Variants in KIF16B observed in about 807,000 individuals in gnomAD.
The protein encoded by KIF16B is kinesin-like protein KIF16B.
KIF16B carries 98 observed loss-of-function variants against 156.3 expected under a neutral mutation model. The observed-to-expected ratio is 0.63, with a 90% CI of 0.53 to 0.74. The LOEUF is 0.74. KIF16B is among the 30% of genes least tolerant of loss of function. KIF16B has a pLI of 0.00. For synonymous variants in KIF16B, 564 were observed against 583.7 expected, an observed-to-expected ratio of 0.97 and a Z score of 0.49; for missense variants, 1,421 against 1,606.5, an observed-to-expected ratio of 0.88 and a Z score of 1.97.
intron 25 of KIF16B, among the ~76,000 whole-genome samples, chr20:16,278,122 G>A (rs537560823): frequency 3.3e-4 from 51 of 152,266 alleles, no homozygotes; most frequent in Non-Finnish European, 5.9e-4. Context: ...AGCCAAAGGG[G>A]GCCTAGGAGA....
intron 15 of KIF16B, among the ~76,000 whole-genome samples, chr20:16,413,022 C>T (rs1600330728): frequency 6.6e-6 from 1 of 151,888 alleles, no homozygotes; most frequent in East Asian, 1.9e-4. Context: ...ATTCAGTTTC[C>T]TCATCTAGTT....
chr20:16,480,584 A>G (rs1019758688), intron 12 of KIF16B, among the ~76,000 whole-genome samples: 1 of 152,236 alleles, frequency 6.6e-6, no homozygotes. Context: ...AAAAAGGACA[A>G]GGCTTTTGTG....
intron 25 of KIF16B, among the ~76,000 whole-genome samples, chr20:16,300,886 A>G (rs559271284): frequency 6.6e-6 from 1 of 152,270 alleles, no homozygotes; most frequent in African/African-American, 2.4e-5. Context: ...CTCTTGTTGT[A>G]CTTTCTATGG....
intron 15 of KIF16B, among the ~76,000 whole-genome samples, chr20:16,410,214 C>CATAT (rs1453431868): frequency 2.2e-4 from 27 of 120,222 alleles, no homozygotes; most frequent in African/African-American, 8.4e-4. Context: ...GGTACATATA[C>CATAT]ATGTAGGTAC....
chr20:16,310,222 T>C (rs751862083), intron 25 of KIF16B, among the ~76,000 whole-genome samples: 2 of 152,144 alleles, frequency 1.3e-5, no homozygotes, highest in Non-Finnish European at 2.9e-5. Flanking sequence ...TAAATAACAG[T>C]CACAGCCAAG....
Position 16,423,785 on chromosome 20 carries a change from C to T in KIF16B, c.1612+3319G>A, listed in dbSNP as rs148606799. On this transcript the variant is annotated intron_variant, in intron 15 of 25. Transcript: ENST00000354981. ...AGCAGCAGGACCTCTATCTGAGGTT[C>T]CCACAGAGAACAGACAGTTGATGTG... Among the ~76,000 whole-genome samples, 29 of 152,160 alleles carry T rather than the reference C, an allele frequency of 1.9e-4. No homozygotes were observed. The East Asian group carries it at 5.2e-3, about 27-fold the overall frequency.
At chr20:16,333,102 G>T (rs186051988) in intron 24 of KIF16B, among the ~76,000 whole-genome samples, 15 of 152,182 alleles carry the variant, frequency 9.9e-5, no homozygotes, top group African/African-American at 3.6e-4. Flanking sequence ...CTACCTCTTT[G>T]CCCACATTCC....
intron 12 of KIF16B, among the ~76,000 whole-genome samples, chr20:16,460,762 A>G (rs1376408422): frequency 6.6e-6 from 1 of 152,172 alleles, no homozygotes; most frequent in African/African-American, 2.4e-5. Context: ...ATGTTTATTA[A>G]TACAAATATA....
At chr20:16,409,865 T>C (rs2065875577) in intron 15 of KIF16B, among the ~76,000 whole-genome samples, 1 of 148,654 alleles carries the variant, frequency 6.7e-6, no homozygotes, top group South Asian at 2.1e-4. Flanking sequence ...GAATTAGAGA[T>C]GCATTTGGCA....
intron 24 of KIF16B, among the ~76,000 whole-genome samples, chr20:16,329,218 TAA>T (rs1228976459): frequency 3.9e-5 from 6 of 152,272 alleles, no homozygotes; most frequent in Admixed American, 1.3e-4. Context: ...GATGTGGTTT[TAA>T]AAGTTTTTTT....
chr20:16,507,919 C>T, intron 7 of KIF16B, 39 bp downstream of exon 7: 1 of 1,612,228 alleles, frequency 6.2e-7, no homozygotes, highest in African/African-American at 1.3e-5. Flanking sequence ...AAGTAAAGAC[C>T]TCAGGGATGG....
At chr20:16,507,837 GAC>G in intron 7 of KIF16B, 119 bp downstream of exon 7, 1 of 1,009,630 alleles carries the variant, frequency 9.9e-7, no homozygotes, top group Non-Finnish European at 1.5e-6. Context: ...ACAAGAAAAT[GAC>G]AGTCAGTCAC....
At chr20:16,498,036 A>T (rs2068503689) in intron 10 of KIF16B, among the ~76,000 whole-genome samples, 1 of 152,164 alleles carries the variant, frequency 6.6e-6, no homozygotes, top group Non-Finnish European at 1.5e-5. Flanking sequence ...GACCATGCCT[A>T]AGTCTTGCTT....
In KIF16B at chr20:16,442,199, T is replaced by C. The variant is rs192064123; in HGVS notation, c.1303-12217A>G. Among the ~76,000 whole-genome samples the C allele has an allele frequency of 4.5e-4, 69 of 152,234 alleles. 1 individual carries two copies. The Middle Eastern group carries it at 0.014, about 30-fold the overall frequency. Reference sequence around the variant, plus strand: ...AGTTCAAGGGATCTACTGTACAGCATGGTGACTATACTTAATGATGATATA... The same window carrying C: ...AGTTCAAGGGATCTACTGTACAGCACGGTGACTATACTTAATGATGATATA... On this transcript the variant is annotated intron_variant, in intron 12 of 25. Coordinates refer to ENST00000354981, the MANE Select transcript of KIF16B (RefSeq NM_024704.5).
At chr20:16,532,921 C>T (rs761473473) in intron 1 of KIF16B, among the ~76,000 whole-genome samples, 61 of 152,216 alleles carry the variant, frequency 4.0e-4, no homozygotes, top group Non-Finnish European at 6.3e-4. Flanking sequence ...ACCTTTGGAG[C>T]AGCTAAATTT....
At chr20:16,393,680 G>C (rs564887600) in intron 17 of KIF16B, among the ~76,000 whole-genome samples, 90 of 152,334 alleles carry the variant, frequency 5.9e-4, no homozygotes, top group South Asian at 4.6e-3. Flanking sequence ...GAGACCAAGA[G>C]TAGACAGTTG....
At chr20:16,553,816 A>G (rs6080300) in intron 1 of KIF16B, among the ~76,000 whole-genome samples, 124,918 of 152,240 alleles carry the variant, frequency 0.82, 51,709 homozygotes, top group African/African-American at 0.94. Context: ...CCACAGAGCC[A>G]GCAGGAGCCA....
At chr20:16,558,343 G>T (rs553176500) in intron 1 of KIF16B, among the ~76,000 whole-genome samples, 1 of 152,318 alleles carries the variant, frequency 6.6e-6, no homozygotes, top group Non-Finnish European at 1.5e-5. Context: ...CCTGCATCCG[G>T]CGTGGCCATG....
intron 12 of KIF16B, among the ~76,000 whole-genome samples, chr20:16,493,729 C>T (rs2068366495): frequency 6.6e-6 from 1 of 152,140 alleles, no homozygotes; most frequent in African/African-American, 2.4e-5. Context: ...TATTTTGAAG[C>T]ATTATGATAA....
Sources: allele counts gnomAD v4.1 joint callset (sites outside exome capture counted in the v4.1 genomes callset), GRCh38; gene constraint gnomAD v4.1.1; transcripts MANE v1.5; gene names NCBI Gene and HGNC (gene_info 2026-07-23, HGNC 2026-07-21).